The following CCM2 variants were observed in gnomAD, a reference collection of about 807,000 sequenced individuals.
The protein encoded by CCM2 is cerebral cavernous malformations 2 protein.
Under a neutral mutation model 44.9 loss-of-function variants are expected in CCM2, and 25 were observed. The ratio of observed to expected loss-of-function variants is 0.56; its 90% confidence interval spans 0.41 to 0.78. The LOEUF is 0.78. Among genes scored for constraint, CCM2 ranks in the 30% least tolerant of loss-of-function variants. CCM2 has a pLI of 0.00. For missense variants in CCM2, 481 were observed against 580.6 expected, an observed-to-expected ratio of 0.83 and a Z score of 1.76; for synonymous variants, 219 against 241.1, an observed-to-expected ratio of 0.91 and a Z score of 0.85.
chr7:45,073,474 C>T lies in CCM2; in HGVS notation c.818C>T (p.Ser273Phe). ...VEASTFCFPESVDVGGASPHS... is the reference protein window; with the variant it reads ...VEASTFCFPEFVDVGGASPHS... ...TTCTTTCGCAGCTGCTTCCCTGAAT[C>T]TGTGGATGTGGGTGGTGCATCACCC... Residue 273 changes from serine to phenylalanine, a missense_variant, in exon 8 of 10, where the codon TCT becomes TTT. Physicochemically the swap from Ser to Phe is radical, Grantham distance 155 (BLOSUM62 -2). Coordinates refer to ENST00000258781, the MANE Select transcript of CCM2 (RefSeq NM_031443.4). 6.2e-7 allele frequency: 1 copy of T among 1,613,440 alleles called. No homozygotes were observed. Among genetic ancestry groups the T allele is most frequent in the Non-Finnish European group, 8.5e-7 (1 of 1,179,872 alleles).
At chr7:45,031,237 C>T (rs1007120289) in intron 1 of CCM2, among the ~76,000 whole-genome samples, 1 of 151,316 alleles carries the variant, frequency 6.6e-6, no homozygotes, top group Non-Finnish European at 1.5e-5. Context: ...CAAAAATTAG[C>T]CAGGTGTGGT....
intron 1 of CCM2, chr7:45,027,882 A>G: frequency 2.1e-6 from 3 of 1,415,760 alleles, no homozygotes; most frequent in South Asian, 2.4e-5. Flanking sequence ...GCTGCTTCCC[A>G]GGGCTTGCCC....
At chr7:45,020,690 C>G (rs1481430787) in intron 1 of CCM2, among the ~76,000 whole-genome samples, 1 of 152,130 alleles carries the variant, frequency 6.6e-6, no homozygotes, top group African/African-American at 2.4e-5. Flanking sequence ...TTACCCACCT[C>G]TCAAGAGAAC....
In CCM2 at chr7:45,058,784, A is replaced by AT. The variant is rs200949822; in HGVS notation, c.205-5125dup. The stretch of plus-strand genomic sequence containing the variant: ...TTGATGTGATGGATTACAACGATAT[A>AT]TTTTTTTTTGAGACAGAGTTTTTGT... On this transcript the variant is annotated intron_variant, in intron 2 of 9. Coordinates refer to ENST00000258781, the MANE Select transcript of CCM2 (RefSeq NM_031443.4). Among the ~76,000 whole-genome samples the AT allele has an allele frequency of 5.3e-3, 791 of 150,226 alleles. 10 individuals are homozygous for AT. Among genetic ancestry groups the AT allele is most frequent in the African/African-American group, 0.019 (769 of 40,976 alleles).
intron 1 of CCM2, among the ~76,000 whole-genome samples, chr7:45,019,164 C>T (rs1372758237): frequency 3.3e-5 from 5 of 151,238 alleles, no homozygotes; most frequent in Non-Finnish European, 7.4e-5. Context: ...CTCCGCCTCC[C>T]GGGTTCAAGT....
At chr7:45,027,501 C>A in intron 1 of CCM2, 1 of 847,908 alleles carries the variant, frequency 1.2e-6, no homozygotes, top group Non-Finnish European at 1.8e-6. Context: ...TACTTTGTGT[C>A]TTTTTGTGCA....
In CCM2 at chr7:45,034,221, T is replaced by G. The variant is rs543221084; in HGVS notation, c.31-4032T>G. Among the ~76,000 whole-genome samples the G allele has an allele frequency of 2.2e-4, 33 of 152,186 alleles. 1 individual carries two copies. The highest frequency in any genetic ancestry group is 3.4e-3 in the Middle Eastern group (1 of 294). ...TCTTATGGAAGCACTTTTTTTTTTT[T>G]TTGTTTTGAGACGGAGTCTCTCTCT... On this transcript the variant is annotated intron_variant, in intron 1 of 9. Transcript: ENST00000258781.
intron 2 of CCM2, among the ~76,000 whole-genome samples, chr7:45,044,498 T>G (rs1019557361): frequency 6.6e-6 from 1 of 152,190 alleles, no homozygotes; most frequent in Non-Finnish European, 1.5e-5. Context: ...CTGAGGCATC[T>G]CCAGGATGAG....
intron 2 of CCM2, among the ~76,000 whole-genome samples, chr7:45,050,438 T>C (rs1020118269): frequency 6.6e-5 from 10 of 152,230 alleles, no homozygotes; most frequent in African/African-American, 2.4e-4. Flanking sequence ...AACTTGAACA[T>C]CTGCAGATTT....
At chr7:45,005,342 T>G (rs1795802541) in intron 1 of CCM2, among the ~76,000 whole-genome samples, 1 of 152,224 alleles carries the variant, frequency 6.6e-6, no homozygotes, top group Non-Finnish European at 1.5e-5. Context: ...TAATTTAGAT[T>G]CAGAAAGCAC....
chr7:45,018,188 G>A (rs1007520155), intron 1 of CCM2, among the ~76,000 whole-genome samples: 6 of 152,108 alleles, frequency 3.9e-5, no homozygotes, highest in African/African-American at 1.2e-4. Context: ...ACAGGAGGCG[G>A]GGCTCAGGTG....
intron 2 of CCM2, among the ~76,000 whole-genome samples, chr7:45,041,377 C>T (rs1057422177): frequency 5.3e-5 from 8 of 152,186 alleles, no homozygotes; most frequent in African/African-American, 1.9e-4. Flanking sequence ...TCCTTGGACA[C>T]TATATGCAAT....
At chr7:45,018,097 A>G (rs149507656) in intron 1 of CCM2, among the ~76,000 whole-genome samples, 101 of 152,208 alleles carry the variant, frequency 6.6e-4, no homozygotes, top group African/African-American at 2.2e-3. Context: ...TAGATTCTCT[A>G]AGGAGTGCGT....
At chr7:45,004,873 G>A (rs1260654541) in intron 1 of CCM2, among the ~76,000 whole-genome samples, 2 of 151,928 alleles carry the variant, frequency 1.3e-5, no homozygotes, top group South Asian at 2.1e-4. Flanking sequence ...GGTGGGGCCT[G>A]TAATCCTAGC....
At chr7:45,022,370 G>A (rs1431318447) in intron 1 of CCM2, among the ~76,000 whole-genome samples, 1 of 135,766 alleles carries the variant, frequency 7.4e-6, no homozygotes, top group Non-Finnish European at 1.5e-5. Flanking sequence ...GCAGTGGTGC[G>A]ATCTCGGTTC....
intron 1 of CCM2, among the ~76,000 whole-genome samples, chr7:45,023,787 G>GT (rs10596429): frequency 5.1e-4 from 30 of 58,640 alleles, no homozygotes; most frequent in Non-Finnish European, 8.5e-4. Flanking sequence ...CTCTGTATCA[G>GT]TTTTTTTTTT....
chr7:45,021,880 T>G (rs193036805), intron 1 of CCM2, among the ~76,000 whole-genome samples: 1 of 152,348 alleles, frequency 6.6e-6, no homozygotes, highest in South Asian at 2.1e-4. Context: ...TATGATTCAT[T>G]AGTGGCATGT....
At chr7:45,068,858 G>C (rs1798916688) in intron 5 of CCM2, among the ~76,000 whole-genome samples, 1 of 152,170 alleles carries the variant, frequency 6.6e-6, no homozygotes, top group African/African-American at 2.4e-5. Flanking sequence ...CTCCCCACCG[G>C]TTCCCACCCC....
At chr7:45,073,811 T>C in intron 8 of CCM2, 1 of 568,910 alleles carries the variant, frequency 1.8e-6, no homozygotes, top group Non-Finnish European at 3.1e-6. Flanking sequence ...ACTGTGGGCC[T>C]GTGCTTGGGT....
Sources: allele counts gnomAD v4.1 joint callset (sites outside exome capture counted in the v4.1 genomes callset), GRCh38; gene constraint gnomAD v4.1.1; transcripts MANE v1.5; gene names NCBI Gene and HGNC (gene_info 2026-07-23, HGNC 2026-07-21).